Variants in DIAPH3 observed in about 807,000 individuals in gnomAD.
DIAPH3 encodes diaphanous related formin 3.
A neutral mutation model predicts 144.3 loss-of-function variants in DIAPH3; 117 were observed. The observed-to-expected ratio is 0.81, with a 90% CI of 0.70 to 0.95. DIAPH3 has a LOEUF of 0.95. DIAPH3 is among the 40% of genes least tolerant of loss of function. DIAPH3 has a pLI of 0.00. For synonymous variants in DIAPH3, 519 were observed against 488.9 expected (o/e 1.06, Z -0.81); for missense variants, 1,421 against 1,412.7 (o/e 1.01, Z -0.09).
chr13:59,727,072 G>A (rs1284362100), intron 27 of DIAPH3, among the ~76,000 whole-genome samples: 1 of 151,974 alleles, frequency 6.6e-6, no homozygotes, highest in Non-Finnish European at 1.5e-5. Context: ...CAATGGGGCA[G>A]TGAATTACTT....
intron 27 of DIAPH3, among the ~76,000 whole-genome samples, chr13:59,738,225 GA>G (rs537549961): frequency 6.4e-4 from 98 of 152,006 alleles, no homozygotes; most frequent in Non-Finnish European, 9.7e-4. Context: ...AGAATTCTTT[GA>G]CCAGAACTGG....
intron 25 of DIAPH3, among the ~76,000 whole-genome samples, chr13:59,790,545 G>C (rs1238084849): frequency 6.6e-6 from 1 of 152,142 alleles, no homozygotes; most frequent in African/African-American, 2.4e-5. Flanking sequence ...GATTTATTCT[G>C]CCCAAATATA....
rs144189708 is a variant in DIAPH3 at position 60,138,321 on chromosome 13, A to G, written c.181-5332T>C. On this transcript the variant is annotated intron_variant, in intron 1 of 27. Coordinates refer to ENST00000400324, the MANE Select transcript of DIAPH3 (RefSeq NM_001042517.2). ...GGCAGCATGCCCAGGACCACGTGAG[A>G]AACCCTACTCCATACTCCACCACTA... Among the ~76,000 whole-genome samples the G allele has an allele frequency of 3.8e-3, 586 of 152,292 alleles. 4 individuals are homozygous for G. The highest frequency in any genetic ancestry group is 0.014 in the African/African-American group (569 of 41,556).
intron 4 of DIAPH3, among the ~76,000 whole-genome samples, chr13:60,070,079 A>G (rs2057140875): frequency 6.6e-6 from 1 of 152,128 alleles, no homozygotes; most frequent in Non-Finnish European, 1.5e-5. Context: ...CAGTATGGCC[A>G]TTTTAACAAT....
At chr13:59,984,393 C>A (rs142154847) in intron 12 of DIAPH3, among the ~76,000 whole-genome samples, 2 of 151,632 alleles carry the variant, frequency 1.3e-5, no homozygotes, top group Non-Finnish European at 2.9e-5. Context: ...ATTCATATTT[C>A]TTACTCAAAG....
At chr13:59,772,958 C>G (rs1344847988) in intron 27 of DIAPH3, among the ~76,000 whole-genome samples, 1 of 152,032 alleles carries the variant, frequency 6.6e-6, no homozygotes, top group Non-Finnish European at 1.5e-5. Flanking sequence ...CTCTGGGTTT[C>G]TATTTATTCA....
chr13:59,908,614 G>A (rs1182617193), intron 20 of DIAPH3, among the ~76,000 whole-genome samples: 1 of 152,000 alleles, frequency 6.6e-6, no homozygotes, highest in Non-Finnish European at 1.5e-5. Context: ...CAACTTGACT[G>A]AATTTAATCT....
At chr13:59,693,910 T>G (rs1224687774) in intron 27 of DIAPH3, among the ~76,000 whole-genome samples, 1 of 152,106 alleles carries the variant, frequency 6.6e-6, no homozygotes, top group Admixed American at 6.6e-5. Flanking sequence ...TGATGACATG[T>G]TTAGTATACA....
chr13:59,979,355 C>T (rs2050855457), intron 14 of DIAPH3, among the ~76,000 whole-genome samples: 2 of 151,618 alleles, frequency 1.3e-5, no homozygotes, highest in South Asian at 4.2e-4. Context: ...TACTACTTTC[C>T]TATGAAGAGT....
At chr13:60,096,580 A>G (rs573374486) in intron 3 of DIAPH3, among the ~76,000 whole-genome samples, 1 of 152,342 alleles carries the variant, frequency 6.6e-6, no homozygotes, top group South Asian at 2.1e-4. Flanking sequence ...TGGCACTTGA[A>G]TCATTGGACT....
In DIAPH3 at chr13:59,854,988, A is replaced by G. The variant is rs552187981; in HGVS notation, c.2737+6419T>C. Among the ~76,000 whole-genome samples, 189 of 152,292 alleles carry G rather than the reference A, an allele frequency of 1.2e-3. 2 individuals carry two copies. Among genetic ancestry groups the G allele is most frequent in the Non-Finnish European group, 1.4e-3 (94 of 68,012 alleles). On this transcript the variant is annotated intron_variant, in intron 22 of 27. Transcript: ENST00000400324. ...AATGTTCCTAGCTCAGTATCTCAAA[A>G]AGCAATCTTTAGCTGCAAGTAGTTC...
chr13:60,143,615 C>G (rs1461512336), intron 1 of DIAPH3, among the ~76,000 whole-genome samples: 1 of 152,220 alleles, frequency 6.6e-6, no homozygotes, highest in African/African-American at 2.4e-5. Flanking sequence ...TTCTCCTCCT[C>G]TAGGGCCCCA....
At chr13:60,025,983 A>G (rs182277262) in intron 5 of DIAPH3, among the ~76,000 whole-genome samples, 3 of 152,344 alleles carry the variant, frequency 2.0e-5, no homozygotes, top group Admixed American at 1.3e-4. Context: ...TGATGCTCAT[A>G]TATCTTAAGT....
chr13:59,931,813 T>C (rs2048033548), intron 17 of DIAPH3, among the ~76,000 whole-genome samples: 1 of 152,212 alleles, frequency 6.6e-6, no homozygotes, highest in African/African-American at 2.4e-5. Flanking sequence ...AGGTTTGGAC[T>C]AGTCCAGTTT....
chr13:59,813,474 A>G (rs1371644725), intron 24 of DIAPH3, among the ~76,000 whole-genome samples: 1 of 152,126 alleles, frequency 6.6e-6, no homozygotes, highest in African/African-American at 2.4e-5. Context: ...TTTGAAAGCT[A>G]GCTACAGTCA....
intron 27 of DIAPH3, among the ~76,000 whole-genome samples, chr13:59,699,780 G>A (rs2034000436): frequency 6.6e-6 from 1 of 152,136 alleles, no homozygotes; most frequent in African/African-American, 2.4e-5. Flanking sequence ...GGTGGAAAGA[G>A]CTATTATTTT....
At chr13:59,692,268 A>C (rs1209567931) in intron 27 of DIAPH3, among the ~76,000 whole-genome samples, 1 of 151,348 alleles carries the variant, frequency 6.6e-6, no homozygotes, top group Non-Finnish European at 1.5e-5. Context: ...TTGAGGTTTA[A>C]CATTTGAGGG....
chr13:59,863,057 G>A (rs1329084795), intron 21 of DIAPH3, among the ~76,000 whole-genome samples: 4 of 152,076 alleles, frequency 2.6e-5, no homozygotes, highest in Non-Finnish European at 4.4e-5. Context: ...GGCTTGAGAC[G>A]ACCAGGGTGG....
At chr13:60,125,582 C>T (rs1036392347) in intron 2 of DIAPH3, among the ~76,000 whole-genome samples, 1 of 151,858 alleles carries the variant, frequency 6.6e-6, no homozygotes, top group Non-Finnish European at 1.5e-5. Context: ...GTAAATTCTC[C>T]AGCATCTTAT....
Sources: gnomAD v4.1 joint callset for allele counts (sites outside exome capture counted in the v4.1 genomes callset) on GRCh38, gnomAD v4.1.1 for gene constraint, MANE v1.5 for transcripts, NCBI Gene and HGNC (gene_info 2026-07-23, HGNC 2026-07-21) for gene names.